Variants in R3HDM2 observed in about 807,000 individuals in gnomAD.
The protein encoded by R3HDM2 is R3H domain-containing protein 2.
A neutral mutation model predicts 124.5 loss-of-function variants in R3HDM2; 38 were observed. The observed-to-expected ratio is 0.31, with a 90% confidence interval of 0.24 to 0.40. R3HDM2 has a LOEUF of 0.40. Ranked by LOEUF, R3HDM2 falls within the 10% of genes least tolerant of loss-of-function variation. The probability of loss-of-function intolerance (pLI) is 1.00; values close to 1 mark genes in which losing one functional copy is unlikely to be tolerated. For synonymous variants in R3HDM2, 391 were observed against 448.0 expected (o/e 0.87, Z 1.61); for missense variants, 869 against 1,236.9 (o/e 0.70, Z 4.46).
At chr12:57,279,429 C>A (rs1289480665) in intron 14 of R3HDM2, among the ~76,000 whole-genome samples, 1 of 150,260 alleles carries the variant, frequency 6.7e-6, no homozygotes, top group Non-Finnish European at 1.5e-5. Context: ...GTGATTCACC[C>A]GCCTCAGCCT....
At chr12:57,263,561 T>C (rs556805740) in intron 19 of R3HDM2, among the ~76,000 whole-genome samples, 1 of 152,174 alleles carries the variant, frequency 6.6e-6, no homozygotes, top group Non-Finnish European at 1.5e-5. Context: ...CTCTGCCTCC[T>C]GGGTTCAAGC....
rs1565801819 is a variant in R3HDM2, at chr12:57,254,883, C to G, written c.2863G>C (p.Ala955Pro). Residue 955 changes from alanine to proline, a missense_variant, in exon 24 of 24, where the codon GCT becomes CCT. Ala to Pro is a conservative substitution (Grantham distance 27). Transcript: ENST00000402412. ...TIVAVFPSPL[A>P]AQNASLRLNN... is the part of the protein sequence containing the mutation. ...AGACGAAGGGAGGCATTTTGGGCAG[C>G]CAGGGGGCTGGGGAACACAGCCACA... is the stretch of plus-strand genomic sequence containing the variant. The G allele has an allele frequency of 6.2e-7, 1 of 1,614,112 alleles. No individual in the cohort carries two copies. Among genetic ancestry groups the G allele is most frequent in the Non-Finnish European group, 8.5e-7 (1 of 1,180,002 alleles).
intron 19 of R3HDM2, among the ~76,000 whole-genome samples, chr12:57,263,276 C>G (rs983839272): frequency 6.6e-6 from 1 of 152,132 alleles, no homozygotes; most frequent in Non-Finnish European, 1.5e-5. Flanking sequence ...AAAAATGCCC[C>G]GCAGTACCCA....
chr12:57,323,998 G>A (rs966660375), intron 2 of R3HDM2, among the ~76,000 whole-genome samples: 7 of 151,802 alleles, frequency 4.6e-5, no homozygotes, highest in African/African-American at 9.7e-5. Flanking sequence ...ACCCCTTTGC[G>A]AAACTGTTTC....
chr12:57,280,286 G>T, intron 14 of R3HDM2, 72 bp downstream of exon 14: 1 of 1,466,236 alleles, frequency 6.8e-7, no homozygotes, highest in Non-Finnish European at 9.2e-7. Flanking sequence ...CACAGCACAA[G>T]AGACATGACG....
chr12:57,268,063 G>T, intron 18 of R3HDM2: 1 of 334,812 alleles, frequency 3.0e-6, no homozygotes, highest in Non-Finnish European at 5.4e-6. Context: ...AAATAAAAAT[G>T]GAGGAAATCA....
At chr12:57,319,971 A>G (rs2056042581) in intron 2 of R3HDM2, among the ~76,000 whole-genome samples, 1 of 152,074 alleles carries the variant, frequency 6.6e-6, no homozygotes, top group South Asian at 2.1e-4. Flanking sequence ...GCAACCAACT[A>G]AAAAAAGCCT....
chr12:57,429,574 G>C (rs1869120600), intron 1 of R3HDM2, among the ~76,000 whole-genome samples: 1 of 152,070 alleles, frequency 6.6e-6, no homozygotes, highest in African/African-American at 2.4e-5. Flanking sequence ...TCAGCCAGGA[G>C]TGGTGGCTCA....
chr12:57,392,226 C>G (rs2066797529), intron 2 of R3HDM2, among the ~76,000 whole-genome samples: 1 of 152,166 alleles, frequency 6.6e-6, no homozygotes, highest in African/African-American at 2.4e-5. Context: ...TTAAAAGCAG[C>G]CAGAGCAAAA....
chr12:57,426,542 GAACC>G (rs2070756642), intron 1 of R3HDM2, among the ~76,000 whole-genome samples: 1 of 152,150 alleles, frequency 6.6e-6, no homozygotes, highest in Admixed American at 6.6e-5. Context: ...ACTCAAAGTG[GAACC>G]AGCCTGCTCA....
intron 1 of R3HDM2, among the ~76,000 whole-genome samples, chr12:57,421,772 G>C (rs1016396641): frequency 6.6e-6 from 1 of 152,074 alleles, no homozygotes; most frequent in Non-Finnish European, 1.5e-5. Flanking sequence ...CTCCCAAAGT[G>C]CTGGATTATA....
At chr12:57,394,204 T>C (rs909156128) in intron 2 of R3HDM2, among the ~76,000 whole-genome samples, 4 of 151,180 alleles carry the variant, frequency 2.6e-5, no homozygotes, top group African/African-American at 9.7e-5. Flanking sequence ...GGCTGTTGTG[T>C]AAGAATCGCT....
At chr12:57,410,664 G>A (rs1002457011) in intron 1 of R3HDM2, among the ~76,000 whole-genome samples, 2 of 152,114 alleles carry the variant, frequency 1.3e-5, no homozygotes, top group Non-Finnish European at 2.9e-5. Flanking sequence ...ACCAGCCTGG[G>A]CTACATGGCA....
chr12:57,296,388 C>T lies in R3HDM2; in HGVS notation c.701+23G>A. On this transcript the variant is annotated intron_variant, in intron 9 of 23. Transcript: ENST00000402412. The surrounding 1 kb of genome is among the most constrained non-coding windows in gnomAD (Gnocchi z 4.5). ...GCAGGTTATCCCAGGGAAGTCTTCC[C>T]AAACCATGGTTTCCTCCCTTACATT... 1.3e-6 allele frequency: 2 copies of T among 1,551,658 alleles called. No homozygotes were observed. The highest frequency in any genetic ancestry group is 1.2e-5 in the South Asian group (1 of 84,026).
rs56207989 is a variant in R3HDM2 at position 57,320,261 on chromosome 12, C to CAAAA, written c.-35-9802_-35-9799dup. On this transcript the variant is annotated intron_variant, in intron 2 of 23. Coordinates refer to ENST00000402412, the MANE Select transcript of R3HDM2 (RefSeq NM_001394031.1). ...GGGCAACAAGAGTGCAACTCTATCT[C>CAAAA]AAAAAAAAAAAAAAAAAAAAAAAAA... Among the ~76,000 whole-genome samples, 6 of 14,284 alleles carry CAAAA rather than the reference C, an allele frequency of 4.2e-4. 2 individuals are homozygous for CAAAA. In the East Asian group the frequency reaches 0.022, roughly 53 times the overall value. 9.4% of individuals were successfully genotyped at this position (14,284 alleles called of 152,430 possible). A position where few individuals can be genotyped will look rare whatever the true frequency, so the allele number is the denominator to read the frequency against.
intron 2 of R3HDM2, among the ~76,000 whole-genome samples, chr12:57,374,989 C>G (rs1246656006): frequency 6.7e-6 from 1 of 150,082 alleles, no homozygotes; most frequent in Non-Finnish European, 1.5e-5. Context: ...GAGCAAGACT[C>G]CATCTCAAAA....
chr12:57,276,415 A>G (rs2044755557), intron 14 of R3HDM2, among the ~76,000 whole-genome samples: 1 of 151,814 alleles, frequency 6.6e-6, no homozygotes, highest in African/African-American at 2.4e-5. Context: ...AAACTGTGGT[A>G]TATACACACA....
At chr12:57,362,824 A>G (rs992736405) in intron 2 of R3HDM2, among the ~76,000 whole-genome samples, 1 of 151,580 alleles carries the variant, frequency 6.6e-6, no homozygotes, top group Non-Finnish European at 1.5e-5. Flanking sequence ...TTTTTATTTT[A>G]TTTTATTTTA....
At chr12:57,394,504 G>A (rs1312106927) in intron 2 of R3HDM2, among the ~76,000 whole-genome samples, 2 of 152,034 alleles carry the variant, frequency 1.3e-5, no homozygotes, top group Non-Finnish European at 2.9e-5. Context: ...CCCGGGAGGC[G>A]GAGGTTGCAG....
Sources: allele counts gnomAD v4.1 joint callset (sites outside exome capture counted in the v4.1 genomes callset), GRCh38; gene constraint gnomAD v4.1.1; non-coding constraint Gnocchi (gnomAD v3.1); transcripts MANE v1.5; gene names NCBI Gene and HGNC (gene_info 2026-07-23, HGNC 2026-07-21).